Variants in ACSM5 observed in about 807,000 individuals in gnomAD.
The protein encoded by ACSM5 is acyl-CoA synthetase medium chain family member 5, also known as acyl-coenzyme A synthetase ACSM5, mitochondrial.
A neutral mutation model predicts 71.6 loss-of-function variants in ACSM5; 56 were observed. The observed-to-expected ratio is 0.78, with a 90% CI of 0.63 to 0.98. The LOEUF (loss-of-function observed/expected upper bound fraction) is 0.98. ACSM5 is among the 50% of genes least tolerant of loss of function. The pLI, the probability that ACSM5 is intolerant of heterozygous loss-of-function variation, is 0.00. For missense variants in ACSM5, 723 were observed against 726.0 expected, an observed-to-expected ratio of 1.00 and a Z score of 0.05; for synonymous variants, 285 against 281.5, an observed-to-expected ratio of 1.01 and a Z score of -0.12.
chr16:20,440,020 A>T, intron 13 of ACSM5, 101 bp downstream of exon 13: 5 of 1,425,374 alleles, frequency 3.5e-6, no homozygotes, highest in Non-Finnish European at 4.8e-6. Flanking sequence ...GGCACTGGGG[A>T]TATGGAGAAA....
At chr16:20,428,054 C>T (rs559942147) in intron 7 of ACSM5, among the ~76,000 whole-genome samples, 187 bp downstream of exon 7, 1 of 152,308 alleles carries the variant, frequency 6.6e-6, no homozygotes, top group Admixed American at 6.5e-5. Flanking sequence ...ATTGACAAGT[C>T]AACATACCTG....
chr16:20,422,636 T>A (rs1966901812), intron 5 of ACSM5, among the ~76,000 whole-genome samples: 1 of 152,146 alleles, frequency 6.6e-6, no homozygotes, highest in African/African-American at 2.4e-5. Context: ...AGCAGAGGAG[T>A]GACATAATCT....
At chr16:20,429,863 C>G in intron 8 of ACSM5, 62 bp downstream of exon 8, 1 of 1,581,872 alleles carries the variant, frequency 6.3e-7, no homozygotes, top group Non-Finnish European at 8.6e-7. Flanking sequence ...CCTGCCTCTC[C>G]GGCTGTCACC....
chr16:20,419,370 C>T lies in ACSM5; in HGVS notation c.558C>T (p.Leu186=), dbSNP rs756938890. 9 of 1,614,240 alleles carry T rather than the reference C, an allele frequency of 5.6e-6. No homozygotes were observed. Among genetic ancestry groups the T allele is most frequent in the Admixed American group, 3.3e-5 (2 of 60,026 alleles). Residue 186 remains leucine (L), a synonymous_variant, in exon 4 of 14, where the codon CTC becomes CTT. Coordinates refer to ENST00000331849, the MANE Select transcript of ACSM5 (RefSeq NM_017888.3). ...CCATCAGTGCCGAATGCCCCTCCCTCCAGACCAAGCTGCTGGTGTCAGACA... is the reference window on the plus strand; with the variant it reads ...CCATCAGTGCCGAATGCCCCTCCCTTCAGACCAAGCTGCTGGTGTCAGACA... ...VDAISAECPS[L]QTKLLVSDSS...
At chr16:20,436,919 G>A (rs1245747237) in intron 10 of ACSM5, 133 bp from the exon 11 acceptor site, 24 of 985,664 alleles carry the variant, frequency 2.4e-5, no homozygotes, top group Non-Finnish European at 3.5e-5. Context: ...GGAACTCTGG[G>A]CAGCCGGGAC....
At chr16:20,415,217 G>A (rs1316001595) in intron 2 of ACSM5, among the ~76,000 whole-genome samples, 1 of 152,178 alleles carries the variant, frequency 6.6e-6, no homozygotes, top group African/African-American at 2.4e-5. Context: ...ACAATTCTCA[G>A]CCTTCCTATA....
At chr16:20,409,879 G>A (rs945751304) in intron 1 of ACSM5, among the ~76,000 whole-genome samples, 2 of 85,252 alleles carry the variant, frequency 2.3e-5, no homozygotes, top group Non-Finnish European at 4.3e-5. Context: ...GGTGAGGGGC[G>A]GGAGAGGTGA....
At chr16:20,419,463 A>T (rs770959278) in intron 4 of ACSM5, 28 bp downstream of exon 4, 1 of 1,605,368 alleles carries the variant, frequency 6.2e-7, no homozygotes, top group Admixed American at 1.7e-5. Context: ...AGAACAGCAG[A>T]AAAATGAAGT....
At chr16:20,412,037 G>A (rs555466637) in intron 2 of ACSM5, 230 of 301,552 alleles carry the variant, frequency 7.6e-4, no homozygotes, top group South Asian at 3.0e-3. Flanking sequence ...TCACTGTCAC[G>A]CCCTTCTCTT....
chr16:20,414,320 T>C (rs1379971028), intron 2 of ACSM5, among the ~76,000 whole-genome samples: 3 of 152,134 alleles, frequency 2.0e-5, no homozygotes, highest in African/African-American at 7.2e-5. Flanking sequence ...GAGCCTAATA[T>C]AATCATAAGG....
chr16:20,411,645 A>T lies in ACSM5; in HGVS notation c.161A>T (p.Asn54Ile), dbSNP rs756148390. ...AGGCAGCTGGTGCCTGAGTACTTCA[A>T]CTTCGCCCATGATGTGCTGGATGTG... ...LGRQLVPEYFNFAHDVLDVWS... is the reference protein window; with the variant it reads ...LGRQLVPEYFIFAHDVLDVWS... The change falls in exon 2 of 14, where the codon AAC (asparagine) becomes ATC (isoleucine). Residue 54 changes from asparagine to isoleucine, a missense_variant. Coordinates refer to ENST00000331849, the MANE Select transcript of ACSM5 (RefSeq NM_017888.3). The T allele has an allele frequency of 5.0e-6, 8 of 1,614,026 alleles. No individual in the cohort carries two copies.
intron 2 of ACSM5, chr16:20,411,992 T>A (rs1425597844): frequency 7.9e-6 from 3 of 379,448 alleles, no homozygotes; most frequent in Non-Finnish European, 1.5e-5. Flanking sequence ...GAGGAAGTTT[T>A]GTTTTGCTGC....
At chr16:20,431,952 A>AT (rs1339831380) in intron 10 of ACSM5, among the ~76,000 whole-genome samples, 3,083 of 146,346 alleles carry the variant, frequency 0.021, 127 homozygotes, top group African/African-American at 0.071. Flanking sequence ...ATCAAAAAAA[A>AT]AAAATAATAA....
In ACSM5 at chr16:20,421,326, G is replaced by C; in HGVS notation, c.692G>C (p.Ser231Thr). 1 of 1,610,184 alleles carries C rather than the reference G, an allele frequency of 6.2e-7. No homozygotes were observed. The highest frequency in any genetic ancestry group is 8.5e-7 in the Non-Finnish European group (1 of 1,177,996). The change falls in exon 5 of 14, where the codon AGC (serine) becomes ACC (threonine). Residue 231 changes from serine to threonine, a missense_variant. Physicochemically the swap from Ser to Thr is moderately conservative, Grantham distance 58. Transcript: ENST00000331849. ...GACCCGCTGGCCATCTACTTTACCA[G>C]CGGAACCACCGGGGCCCCCAAGATG... ...SRDPLAIYFTSGTTGAPKMVE... is the reference protein window; with the variant it reads ...SRDPLAIYFTTGTTGAPKMVE...
intron 2 of ACSM5, among the ~76,000 whole-genome samples, chr16:20,415,365 A>T (rs532445215): frequency 6.6e-6 from 1 of 152,346 alleles, no homozygotes; most frequent in South Asian, 2.1e-4. Context: ...AAGAGATTAG[A>T]CAAAGTTCCT....
intron 7 of ACSM5, among the ~76,000 whole-genome samples, chr16:20,428,808 C>T (rs1045690549): frequency 1.3e-5 from 2 of 152,080 alleles, no homozygotes; most frequent in African/African-American, 4.8e-5. Context: ...CTTAATCAAG[C>T]CAATTTGATC....
intron 2 of ACSM5, chr16:20,412,029 A>T (rs1175581843): frequency 2.2e-5 from 7 of 313,694 alleles, no homozygotes; most frequent in African/African-American, 8.7e-5. Context: ...TTTTTCTCTC[A>T]CTGTCACGCC....
At chr16:20,414,272 G>C (rs1426915366) in intron 2 of ACSM5, among the ~76,000 whole-genome samples, 2 of 152,110 alleles carry the variant, frequency 1.3e-5, no homozygotes, top group African/African-American at 4.8e-5. Flanking sequence ...TTATACTAAA[G>C]ATATTCATAT....
In ACSM5 at chr16:20,427,797, A is replaced by C. The variant is rs1967014304; in HGVS notation, c.931A>C (p.Lys311Gln). Residue 311 changes from lysine to glutamine, a missense_variant, in exon 7 of 14, where the codon AAA (lysine) becomes CAA (glutamine). Transcript: ENST00000331849. The stretch of plus-strand genomic sequence containing the variant: ...CTTTGTTTTTGTTTAGACTCTCTCC[A>C]AATTCCCGATAACCACCCTCTGCTG... The part of the protein sequence containing the change: ...DAKVILNTLS[K>Q]FPITTLCCVP... 1.2e-6 allele frequency: 2 copies of C among 1,613,370 alleles called. No individual in the cohort carries two copies. Among genetic ancestry groups the C allele is most frequent in the African/African-American group, 1.3e-5 (1 of 74,886 alleles).
Sources: allele counts gnomAD v4.1 joint callset (sites outside exome capture counted in the v4.1 genomes callset), GRCh38; gene constraint gnomAD v4.1.1; transcripts MANE v1.5; gene names NCBI Gene and HGNC (gene_info 2026-07-23, HGNC 2026-07-21).